ALK: variants seen among roughly 807,000 people sequenced by gnomAD.
The protein encoded by ALK is ALK receptor tyrosine kinase.
A neutral mutation model predicts 163.1 loss-of-function variants in ALK; 74 were observed. The ratio of observed to expected loss-of-function variants is 0.45; its 90% CI spans 0.38 to 0.55. The LOEUF is 0.55. ALK is among the 20% of genes least tolerant of loss of function. The pLI is 0.00. For missense variants in ALK, 2,063 were observed against 2,105.3 expected, an observed-to-expected ratio of 0.98 and a Z score of 0.39; for synonymous variants, 960 against 843.2, an observed-to-expected ratio of 1.14 and a Z score of -2.40.
chr2:29,439,083 A>G (rs1670473284), intron 4 of ALK, among the ~76,000 whole-genome samples: 1 of 152,190 alleles, frequency 6.6e-6, no homozygotes, highest in Admixed American at 6.5e-5. Context: ...TACCTCGAGG[A>G]CATCTGCAAG....
At chr2:29,671,273 G>T (rs1438254173) in intron 3 of ALK, among the ~76,000 whole-genome samples, 1 of 152,064 alleles carries the variant, frequency 6.6e-6, no homozygotes, top group African/African-American at 2.4e-5. Context: ...AATGGGGGAG[G>T]TCTCAAAGAG....
At chr2:29,522,109 T>C (rs945275434) in intron 4 of ALK, among the ~76,000 whole-genome samples, 1 of 152,208 alleles carries the variant, frequency 6.6e-6, no homozygotes, top group African/African-American at 2.4e-5. Context: ...TCCTTAATTA[T>C]CAGCTGGCAA....
At chr2:29,587,956 T>G (rs2148204087) in intron 3 of ALK, among the ~76,000 whole-genome samples, 1 of 152,318 alleles carries the variant, frequency 6.6e-6, no homozygotes, top group Non-Finnish European at 1.5e-5. Context: ...CTCCTCTTGG[T>G]TCTTGGGCCA....
chr2:29,708,677 T>C (rs969804841), intron 2 of ALK, among the ~76,000 whole-genome samples: 1 of 152,188 alleles, frequency 6.6e-6, no homozygotes, highest in Non-Finnish European at 1.5e-5. Context: ...GCCATCTTAT[T>C]GAGAAGAAAA....
At chr2:29,852,404 C>G (rs1666020604) in intron 1 of ALK, among the ~76,000 whole-genome samples, 1 of 152,184 alleles carries the variant, frequency 6.6e-6, no homozygotes, top group Non-Finnish European at 1.5e-5. Flanking sequence ...TCACCATTAC[C>G]TACCAAGATG....
chr2:29,354,145 G>A (rs1183016334), intron 5 of ALK, among the ~76,000 whole-genome samples: 2 of 152,078 alleles, frequency 1.3e-5, no homozygotes, highest in Non-Finnish European at 2.9e-5. Flanking sequence ...TGTCTTTAAG[G>A]GGCTAAGAAA....
intron 3 of ALK, among the ~76,000 whole-genome samples, chr2:29,672,609 CTATTGTGAA>C (rs1425993757): frequency 4.0e-5 from 6 of 151,650 alleles, no homozygotes; most frequent in Non-Finnish European, 8.8e-5. Context: ...CAAGTCTTTG[CTATTGTGAA>C]TAGTGCCACA....
chr2:29,511,745 G>A (rs931679698), intron 4 of ALK, among the ~76,000 whole-genome samples: 4 of 152,170 alleles, frequency 2.6e-5, no homozygotes, highest in African/African-American at 9.7e-5. Flanking sequence ...ATTATACCAT[G>A]TTGTATTCTC....
intron 4 of ALK, among the ~76,000 whole-genome samples, chr2:29,516,576 G>A (rs1423377149): frequency 1.3e-5 from 2 of 152,196 alleles, no homozygotes; most frequent in East Asian, 1.9e-4. Flanking sequence ...AGGAATAGTG[G>A]GGAGCCACCT....
At chr2:29,660,240 T>G (rs908033827) in intron 3 of ALK, among the ~76,000 whole-genome samples, 1 of 152,146 alleles carries the variant, frequency 6.6e-6, no homozygotes, top group East Asian at 1.9e-4. Context: ...TCTTGACTGG[T>G]CATGTTAAAT....
At chr2:29,432,206 G>A (rs559615166) in intron 4 of ALK, among the ~76,000 whole-genome samples, 10 of 152,256 alleles carry the variant, frequency 6.6e-5, no homozygotes, top group South Asian at 2.1e-4. Context: ...GGAGGTGGTC[G>A]TAGTGGAAGG....
intron 4 of ALK, among the ~76,000 whole-genome samples, chr2:29,444,415 C>A (rs911536144): frequency 2.0e-5 from 3 of 152,086 alleles, no homozygotes; most frequent in Admixed American, 6.5e-5. Context: ...CTAGGTCAGC[C>A]CAAGGCTGCC....
chr2:29,791,804 A>G (rs1664197540), intron 1 of ALK, among the ~76,000 whole-genome samples: 1 of 152,164 alleles, frequency 6.6e-6, no homozygotes, highest in Non-Finnish European at 1.5e-5. Context: ...TGCAATATAG[A>G]CCAAAAGACA....
intron 1 of ALK, among the ~76,000 whole-genome samples, chr2:29,805,980 A>G (rs1448230943): frequency 6.6e-6 from 1 of 152,214 alleles, no homozygotes; most frequent in East Asian, 1.9e-4. Context: ...ACATTTGACA[A>G]GCCATGTACA....
chr2:29,573,276 C>T (rs774782409), intron 3 of ALK, among the ~76,000 whole-genome samples: 6 of 152,170 alleles, frequency 3.9e-5, no homozygotes, highest in Admixed American at 2.0e-4. Flanking sequence ...TATAGTTATG[C>T]GTTGGTTTGG....
chr2:29,225,087 C>T (rs1281295025), intron 19 of ALK, among the ~76,000 whole-genome samples: 1 of 152,136 alleles, frequency 6.6e-6, no homozygotes, highest in Non-Finnish European at 1.5e-5. Flanking sequence ...TAGTGCATTA[C>T]ATAGGGTGGG....
At position 29,921,368 on chromosome 2, in the gene ALK, C is replaced by T; in HGVS notation, c.-709G>A. On this transcript the variant is annotated 5_prime_UTR_variant, in exon 1 of 29. It adds an upstream start codon to the 5' untranslated region. Coordinates refer to ENST00000389048, the MANE Select transcript of ALK (RefSeq NM_004304.5). The stretch of plus-strand genomic sequence containing the variant: ...CTCGGCTCCTCAGAGTTCGCAGGCA[C>T]TGGAGCGGCCCCGGCGGCAGCAGCT... The T allele has an allele frequency of 4.3e-6, 1 of 233,090 alleles. No homozygotes were observed. Among genetic ancestry groups the T allele is most frequent in the Non-Finnish European group, 8.5e-6 (1 of 117,920 alleles). 14.4% of individuals were successfully genotyped at this position (233,090 alleles called of 1,614,324 possible).
At chr2:29,222,207 G>A (rs1164575875) in intron 22 of ALK, 137 bp downstream of exon 22, 3 of 787,664 alleles carry the variant, frequency 3.8e-6, no homozygotes, top group Non-Finnish European at 6.6e-6. Context: ...AGAATGTTTG[G>A]GAGTCTCCTA....
chr2:29,753,217 T>C (rs1265003242), intron 1 of ALK, among the ~76,000 whole-genome samples: 1 of 152,228 alleles, frequency 6.6e-6, no homozygotes, highest in Non-Finnish European at 1.5e-5. Flanking sequence ...ATTATTTGCC[T>C]GGATCGAGAA....
Sources: gnomAD v4.1 joint callset for allele counts (sites outside exome capture counted in the v4.1 genomes callset) on GRCh38, gnomAD v4.1.1 for gene constraint, MANE v1.5 for transcripts, NCBI Gene and HGNC (gene_info 2026-07-23, HGNC 2026-07-21) for gene names.